Variants in PTPRD observed in about 807,000 individuals in gnomAD.
PTPRD encodes receptor-type tyrosine-protein phosphatase delta.
A neutral mutation model predicts 214.5 loss-of-function variants in PTPRD; 34 were observed. The observed-to-expected ratio is 0.16, with a 90% CI of 0.12 to 0.21. The LOEUF is 0.21. Ranked by LOEUF, PTPRD falls within the 10% of genes least tolerant of loss-of-function variation. The probability of loss-of-function intolerance (pLI) is 1.00; values close to 1 mark genes in which losing one functional copy is unlikely to be tolerated. For synonymous variants in PTPRD, 1,128 were observed against 845.7 expected (o/e 1.33, Z -5.79); for missense variants, 2,545 against 2,398.7 (o/e 1.06, Z -1.27).
intron 2 of PTPRD, among the ~76,000 whole-genome samples, chr9:10,498,927 T>C (rs865973375): frequency 0.25 from 1,098 of 4,432 alleles, 519 homozygotes; most frequent in Admixed American, 0.29. Context: ...CCCAGCTACT[T>C]GGGAGGCTGA....
intron 12 of PTPRD, among the ~76,000 whole-genome samples, chr9:8,727,365 G>C (rs1002824326): frequency 5.9e-5 from 9 of 152,304 alleles, no homozygotes; most frequent in African/African-American, 2.2e-4. Flanking sequence ...TCCACAATGA[G>C]GCTAAAGGAT....
intron 3 of PTPRD, among the ~76,000 whole-genome samples, chr9:10,064,937 C>G (rs1452789196): frequency 2.0e-5 from 3 of 151,894 alleles, no homozygotes; most frequent in African/African-American, 7.2e-5. Flanking sequence ...TTTGACTGCT[C>G]CACAGTGACT....
intron 11 of PTPRD, among the ~76,000 whole-genome samples, chr9:8,775,359 C>T (rs1486273592): frequency 6.6e-6 from 1 of 151,994 alleles, no homozygotes; most frequent in Non-Finnish European, 1.5e-5. Context: ...AGACTGGGGA[C>T]ACTGCTATAG....
At chr9:10,172,270 C>T (rs1258709036) in intron 3 of PTPRD, among the ~76,000 whole-genome samples, 1 of 152,090 alleles carries the variant, frequency 6.6e-6, no homozygotes, top group African/African-American at 2.4e-5. Context: ...CTCTTGCAGC[C>T]TATAATATAT....
At chr9:10,181,942 T>TAAAAAAAA (rs3075573) in intron 3 of PTPRD, among the ~76,000 whole-genome samples, 5 of 38,514 alleles carry the variant, frequency 1.3e-4, no homozygotes, top group South Asian at 8.6e-4. Flanking sequence ...TCATAAATAC[T>TAAAAAAAA]AAAAAAAAAA....
At chr9:9,156,847 T>C (rs2099881618) in intron 10 of PTPRD, among the ~76,000 whole-genome samples, 1 of 152,198 alleles carries the variant, frequency 6.6e-6, no homozygotes, top group Non-Finnish European at 1.5e-5. Context: ...TTACTCATCG[T>C]TTCTATTCCT....
chr9:9,786,920 G>A (rs1388043111), intron 5 of PTPRD, among the ~76,000 whole-genome samples: 4 of 152,000 alleles, frequency 2.6e-5, no homozygotes, highest in Admixed American at 6.6e-5. Context: ...CGAGGCAGGT[G>A]GATCAGGAGT....
At chr9:8,865,884 A>C (rs1020973560) in intron 11 of PTPRD, among the ~76,000 whole-genome samples, 2 of 152,158 alleles carry the variant, frequency 1.3e-5, no homozygotes, top group Admixed American at 6.6e-5. Flanking sequence ...GTCTAACGGG[A>C]GTGGATGGAT....
chr9:8,906,292 T>A (rs1342193428), intron 11 of PTPRD, among the ~76,000 whole-genome samples: 1 of 152,196 alleles, frequency 6.6e-6, no homozygotes, highest in Non-Finnish European at 1.5e-5. Context: ...AGCACTTGTT[T>A]GAGCAAATTA....
intron 10 of PTPRD, among the ~76,000 whole-genome samples, chr9:9,167,015 T>TCTTA (rs34111969): frequency 0.19 from 28,250 of 151,954 alleles, 2,784 homozygotes; most frequent in Admixed American, 0.27. Context: ...CTAAGTCTTA[T>TCTTA]CTTAATCATT....
Position 9,106,776 on chromosome 9 carries a change from C to T in PTPRD, c.-143+76528G>A, listed in dbSNP as rs80232769. 8.7e-3 allele frequency among the ~76,000 whole-genome samples: 1,327 copies of T among 152,078 alleles called. 16 individuals are homozygous for T. Among genetic ancestry groups the T allele is most frequent in the African/African-American group, 0.03 (1,243 of 41,492 alleles). ...CAATACATGATAGTTGTTCTTTCTCCATGTATTTTTTAATGAAATCTATCC... is the reference window on the plus strand; with the variant it reads ...CAATACATGATAGTTGTTCTTTCTCTATGTATTTTTTAATGAAATCTATCC... On this transcript the variant is annotated intron_variant, in intron 10 of 45. Transcript: ENST00000381196.
At chr9:10,017,218 T>C (rs1042918282) in intron 4 of PTPRD, among the ~76,000 whole-genome samples, 3 of 152,224 alleles carry the variant, frequency 2.0e-5, no homozygotes, top group African/African-American at 4.8e-5. Context: ...ATTTATCTTA[T>C]TGATAGCATA....
chr9:9,026,568 G>A (rs2099587803), intron 10 of PTPRD, among the ~76,000 whole-genome samples: 1 of 151,902 alleles, frequency 6.6e-6, no homozygotes, highest in Non-Finnish European at 1.5e-5. Context: ...TTTATTTTCT[G>A]TATGTTTTGT....
intron 2 of PTPRD, among the ~76,000 whole-genome samples, chr9:10,375,341 T>C (rs569145670): frequency 4.1e-4 from 63 of 152,026 alleles, no homozygotes; most frequent in Non-Finnish European, 8.8e-4. Flanking sequence ...GATCCTTTTA[T>C]TTCTTTTTAC....
At chr9:9,707,733 A>C (rs1595718895) in intron 7 of PTPRD, among the ~76,000 whole-genome samples, 1 of 152,106 alleles carries the variant, frequency 6.6e-6, no homozygotes, top group African/African-American at 2.4e-5. Flanking sequence ...TAGTCACATC[A>C]TGTACGTTTA....
At chr9:9,190,262 T>C (rs1321615599) in intron 9 of PTPRD, among the ~76,000 whole-genome samples, 1 of 152,064 alleles carries the variant, frequency 6.6e-6, no homozygotes, top group Non-Finnish European at 1.5e-5. Flanking sequence ...GGTTTGACTG[T>C]GTCCCCACCC....
chr9:8,391,923 G>C (rs999651698), intron 36 of PTPRD, among the ~76,000 whole-genome samples: 1 of 145,348 alleles, frequency 6.9e-6, no homozygotes, highest in African/African-American at 2.5e-5. Context: ...TAATGAATTG[G>C]GGTTTTTTGC....
Position 9,107,369 on chromosome 9 carries a change from G to C in PTPRD, c.-143+75935C>G, listed in dbSNP as rs116226079. Among the ~76,000 whole-genome samples the C allele has an allele frequency of 5.0e-3, 765 of 152,298 alleles. 11 individuals are homozygous for C. Among genetic ancestry groups the C allele is most frequent in the African/African-American group, 0.017 (707 of 41,568 alleles). ...AATGTACCGAACAAGCTGCATGCTT[G>C]ATTGCCAATAAGTGTTTGTATGTGT... On this transcript the variant is annotated intron_variant, in intron 10 of 45. Coordinates refer to ENST00000381196, the MANE Select transcript of PTPRD (RefSeq NM_002839.4).
intron 7 of PTPRD, among the ~76,000 whole-genome samples, chr9:9,664,412 T>G (rs2096676234): frequency 6.6e-6 from 1 of 151,652 alleles, no homozygotes; most frequent in East Asian, 1.9e-4. Context: ...TTAACTACAT[T>G]TATGAACTAT....
Sources: gnomAD v4.1 joint callset for allele counts (sites outside exome capture counted in the v4.1 genomes callset) on GRCh38, gnomAD v4.1.1 for gene constraint, MANE v1.5 for transcripts, NCBI Gene and HGNC (gene_info 2026-07-23, HGNC 2026-07-21) for gene names.